The following CBLN2 variants were observed in gnomAD, a reference collection of about 807,000 sequenced individuals.
The protein encoded by CBLN2 is cerebellin-2.
Under a neutral mutation model 15.0 loss-of-function variants are expected in CBLN2, and 7 were observed. The ratio of observed to expected loss-of-function variants is 0.47; its 90% CI spans 0.27 to 0.88. The LOEUF (loss-of-function observed/expected upper bound fraction) is 0.88. CBLN2 is among the 40% of genes least tolerant of loss of function. The probability of loss-of-function intolerance (pLI) is 0.14; values close to 1 mark genes in which losing one functional copy is unlikely to be tolerated. For synonymous variants in CBLN2, 149 were observed against 135.2 expected (o/e 1.10, Z -0.71); for missense variants, 242 against 304.5 (o/e 0.79, Z 1.53).
rs1242257584 is a variant in CBLN2, at chr18:72,537,829, G to A, written c.*347C>T. 21 of 316,280 alleles carry A rather than the reference G, an allele frequency of 6.6e-5. No individual in the cohort carries two copies. The highest frequency in any genetic ancestry group is 2.9e-4 in the South Asian group (9 of 30,980). The allele number at this position is 316,280 out of a possible 1,614,324, so 19.6% of individuals were successfully genotyped here. A position where few individuals can be genotyped will look rare whatever the true frequency, so the allele number is the denominator to read the frequency against. On this transcript the variant is annotated 3_prime_UTR_variant, in exon 5 of 5. Coordinates refer to ENST00000269503, the MANE Select transcript of CBLN2 (RefSeq NM_182511.4). ...TCCTGGAGTCAGGAGCTCTCCTTCC[G>A]TTGGGACGACAATACAACATACAAA...
At chr18:72,624,175 T>C (rs775243529) in intron 1 of CBLN2, among the ~76,000 whole-genome samples, 2 of 152,012 alleles carry the variant, frequency 1.3e-5, no homozygotes, top group African/African-American at 2.4e-5. Context: ...CAGAGATCAA[T>C]GAGGGTTAAG....
At chr18:72,553,008 G>A (rs2069200789) in intron 1 of CBLN2, among the ~76,000 whole-genome samples, 1 of 152,064 alleles carries the variant, frequency 6.6e-6, no homozygotes, top group South Asian at 2.1e-4. Flanking sequence ...GCCTTACTTT[G>A]GAAATATTTG....
rs1475089596 is a variant in CBLN2 at position 72,537,972 on chromosome 18, A to G, written c.*204T>C. ...AAGACCTTGTCATCTAAAACTAATT[A>G]GAGGCCAGGTTCCCGAGGAATTGTC... On this transcript the variant is annotated 3_prime_UTR_variant, in exon 5 of 5. Transcript: ENST00000269503. The G allele has an allele frequency of 5.0e-6, 3 of 599,788 alleles. No individual in the cohort carries two copies. In the East Asian group the frequency reaches 8.3e-5, roughly 17 times the overall value. The allele number at this position is 599,788 out of a possible 1,614,324, so 37.2% of individuals were successfully genotyped here. A position where few individuals can be genotyped will look rare whatever the true frequency, so the allele number is the denominator to read the frequency against.
At chr18:72,599,237 A>T (rs1489732408) in intron 1 of CBLN2, among the ~76,000 whole-genome samples, 1 of 152,178 alleles carries the variant, frequency 6.6e-6, no homozygotes, top group African/African-American at 2.4e-5. Context: ...TTAATTTTTA[A>T]TGAAGTACAT....
intron 1 of CBLN2, among the ~76,000 whole-genome samples, chr18:72,583,425 C>T (rs2069420596): frequency 6.6e-6 from 1 of 152,080 alleles, no homozygotes; most frequent in Non-Finnish European, 1.5e-5. Flanking sequence ...TACACTCATG[C>T]TATACTTTGG....
chr18:72,562,553 T>G (rs2069268676), intron 1 of CBLN2, among the ~76,000 whole-genome samples: 1 of 152,336 alleles, frequency 6.6e-6, no homozygotes, highest in Admixed American at 6.5e-5. Flanking sequence ...TTGACTGATG[T>G]GGTTAGACGA....
intron 1 of CBLN2, among the ~76,000 whole-genome samples, chr18:72,612,432 T>C (rs910009285): frequency 6.6e-6 from 1 of 152,264 alleles, no homozygotes; most frequent in Non-Finnish European, 1.5e-5. Flanking sequence ...CATAAAAGTT[T>C]ACTTCCCTCA....
chr18:72,638,221 T>A (rs1312628149), intron 1 of CBLN2: 1 of 397,914 alleles, frequency 2.5e-6, no homozygotes, highest in African/African-American at 2.1e-5. Context: ...TAGTCCTTAA[T>A]TATTTATCAC....
chr18:72,566,087 A>AG (rs1210688664), intron 1 of CBLN2, among the ~76,000 whole-genome samples: 1 of 152,220 alleles, frequency 6.6e-6, no homozygotes, highest in Non-Finnish European at 1.5e-5. Context: ...ACAAATCATC[A>AG]GGGAAATACA....
At position 72,594,776 on chromosome 18, in the gene CBLN2, G is replaced by A. The variant is rs1361815666; in HGVS notation, c.15+43549C>T. On this transcript the variant is annotated intron_variant, in intron 1 of 2. Transcript: ENST00000581073. The stretch of plus-strand genomic sequence containing the variant: ...AATCTTGGTAGGTTGTATGTGTCTA[G>A]GAATTTATCCACTTCTAGGTTTTCC... Among the ~76,000 whole-genome samples the A allele has an allele frequency of 2.0e-5, 3 of 151,888 alleles. No homozygotes were observed. The East Asian group carries it at 5.8e-4, about 29-fold the overall frequency.
Position 72,537,277 on chromosome 18 carries a change from G to T in CBLN2, c.*899C>A, listed in dbSNP as rs1481178617. On this transcript the variant is annotated 3_prime_UTR_variant, in exon 5 of 5. Transcript: ENST00000269503. ...AAAAAAATGCAGGTTGCTATTAATA[G>T]TTCTAAAGGTGCATCTTAGAATCTC... 1 of 152,108 alleles carries T rather than the reference G, an allele frequency of 6.6e-6. No homozygotes were observed. Among genetic ancestry groups the T allele is most frequent in the East Asian group, 1.9e-4 (1 of 5,190 alleles). The allele number at this position is 152,108 out of a possible 1,614,324, so 9.4% of individuals were successfully genotyped here. A position where few individuals can be genotyped will look rare whatever the true frequency, so the allele number is the denominator to read the frequency against.
chr18:72,542,316 C>T lies in CBLN2; in HGVS notation c.-156G>A. 2.9e-6 allele frequency: 1 copy of T among 350,474 alleles called. No homozygotes were observed. Among genetic ancestry groups the T allele is most frequent in the Non-Finnish European group, 4.6e-6 (1 of 216,800 alleles). 21.7% of individuals were successfully genotyped at this position (350,474 alleles called of 1,614,324 possible). On this transcript the variant is annotated 5_prime_UTR_variant, in exon 3 of 5. Coordinates refer to ENST00000269503, the MANE Select transcript of CBLN2 (RefSeq NM_182511.4). ...GCCAGGGTCGTTCTCAGAAGAAAGGCGCCTGTGAACCTGTCAGGGCACAGA... is the reference window on the plus strand; with the variant it reads ...GCCAGGGTCGTTCTCAGAAGAAAGGTGCCTGTGAACCTGTCAGGGCACAGA...
intron 1 of CBLN2, among the ~76,000 whole-genome samples, chr18:72,630,372 A>G (rs953335025): frequency 6.6e-6 from 1 of 152,098 alleles, no homozygotes; most frequent in African/African-American, 2.4e-5. Flanking sequence ...TATCTCTTTC[A>G]TTACACAGCG....
At chr18:72,597,671 C>T (rs2069522106) in intron 1 of CBLN2, among the ~76,000 whole-genome samples, 1 of 152,218 alleles carries the variant, frequency 6.6e-6, no homozygotes, top group African/African-American at 2.4e-5. Flanking sequence ...GAGATGCTGT[C>T]TGTGAACAAG....
At chr18:72,561,361 T>G (rs1419911432) in intron 1 of CBLN2, among the ~76,000 whole-genome samples, 2 of 152,092 alleles carry the variant, frequency 1.3e-5, no homozygotes, top group Non-Finnish European at 2.9e-5. Context: ...ATACTCAATG[T>G]ATGAAACAAA....
intron 1 of CBLN2, among the ~76,000 whole-genome samples, chr18:72,594,962 T>G (rs1056107019): frequency 6.6e-6 from 1 of 151,992 alleles, no homozygotes; most frequent in African/African-American, 2.4e-5. Flanking sequence ...TGTTTATCTT[T>G]TGAAAAACTC....
chr18:72,539,437 C>G (rs1435868938), intron 3 of CBLN2: 2 of 152,202 alleles, frequency 1.3e-5, no homozygotes, highest in African/African-American at 4.8e-5. Flanking sequence ...AAAACATTTG[C>G]TACTCCTGTT....
intron 1 of CBLN2, among the ~76,000 whole-genome samples, chr18:72,603,920 T>C (rs1174476043): frequency 6.6e-6 from 1 of 152,182 alleles, no homozygotes; most frequent in African/African-American, 2.4e-5. Flanking sequence ...TAACTAATAA[T>C]CCTGTTATTT....
chr18:72,558,419 C>G (rs1330288904), intron 1 of CBLN2, among the ~76,000 whole-genome samples: 1 of 152,198 alleles, frequency 6.6e-6, no homozygotes, highest in Non-Finnish European at 1.5e-5. Flanking sequence ...TTTCCCATTG[C>G]TGATCTTAAC....
Sources: allele counts gnomAD v4.1 joint callset (sites outside exome capture counted in the v4.1 genomes callset), GRCh38; gene constraint gnomAD v4.1.1; transcripts MANE v1.5; gene names NCBI Gene and HGNC (gene_info 2026-07-23, HGNC 2026-07-21).